Variants in RALYL observed in about 807,000 individuals in gnomAD.
RALYL encodes the protein RNA-binding Raly-like protein.
RALYL carries 29 observed loss-of-function variants against 35.1 expected under a neutral mutation model. The observed-to-expected ratio is 0.83, with a 90% CI of 0.61 to 1.13. RALYL has a LOEUF of 1.13. RALYL is among the 50% of genes most tolerant of loss of function. The probability of loss-of-function intolerance (pLI) is 0.00; values close to 1 mark genes in which losing one functional copy is unlikely to be tolerated. For synonymous variants in RALYL, 120 were observed against 127.6 expected (o/e 0.94, Z 0.40); for missense variants, 359 against 360.4 (o/e 1.00, Z 0.03).
chr8:84,602,248 C>T (rs1343986605), intron 2 of RALYL, among the ~76,000 whole-genome samples: 1 of 152,102 alleles, frequency 6.6e-6, no homozygotes, highest in East Asian at 1.9e-4. Context: ...TCATCTTTCC[C>T]TACAAATCTT....
At chr8:84,759,297 A>G (rs1314449332) in intron 2 of RALYL, among the ~76,000 whole-genome samples, 1 of 152,136 alleles carries the variant, frequency 6.6e-6, no homozygotes, top group Admixed American at 6.6e-5. Context: ...TTTCTACTAC[A>G]GTTGTCAAAT....
chr8:84,798,402 G>T (rs1435467416), intron 3 of RALYL, among the ~76,000 whole-genome samples: 1 of 151,810 alleles, frequency 6.6e-6, no homozygotes, highest in East Asian at 1.9e-4. Context: ...AAGTTATTTA[G>T]TTATCTAATG....
chr8:84,376,058 A>G (rs1856848857), intron 1 of RALYL, among the ~76,000 whole-genome samples: 1 of 151,920 alleles, frequency 6.6e-6, no homozygotes, highest in Admixed American at 6.6e-5. Flanking sequence ...AAAATGTACC[A>G]TACATAATGT....
intron 2 of RALYL, among the ~76,000 whole-genome samples, chr8:84,747,069 G>A (rs1808776421): frequency 6.6e-6 from 1 of 151,738 alleles, no homozygotes; most frequent in South Asian, 2.1e-4. Context: ...AAGTCTGCAA[G>A]AGATAAATTT....
At chr8:84,801,527 T>A (rs1823269568) in intron 3 of RALYL, among the ~76,000 whole-genome samples, 1 of 152,108 alleles carries the variant, frequency 6.6e-6, no homozygotes. Context: ...AAGTATTACC[T>A]CAGAGATGGG....
chr8:84,733,238 C>T (rs944553194), intron 2 of RALYL, among the ~76,000 whole-genome samples: 1 of 152,032 alleles, frequency 6.6e-6, no homozygotes, highest in African/African-American at 2.4e-5. Flanking sequence ...AGCAATAGGC[C>T]CTTCGTTATA....
chr8:84,209,927 C>T (rs1248086187), intron 1 of RALYL, among the ~76,000 whole-genome samples: 1 of 152,048 alleles, frequency 6.6e-6, no homozygotes, highest in Non-Finnish European at 1.5e-5. Context: ...TTTTTCATTT[C>T]GTATTTACTC....
rs942972142 is a variant in RALYL at position 84,183,608 on chromosome 8, C to T, written c.-840C>T. ...GTACCTTCTCAGTGGCATTCTTGTC[C>T]TATTCTTTTTTTTGTCCTTTTTTTT... is the stretch of plus-strand genomic sequence containing the variant. On this transcript the variant is annotated 5_prime_UTR_variant, in exon 1 of 9. Transcript: ENST00000521268. 2 of 152,198 alleles carry T rather than the reference C, an allele frequency of 1.3e-5. No homozygotes were observed. Among genetic ancestry groups the T allele is most frequent in the African/African-American group, 4.8e-5 (2 of 41,382 alleles). The allele number at this position is 152,198 out of a possible 1,614,324, so 9.4% of individuals were successfully genotyped here. A position where few individuals can be genotyped will look rare whatever the true frequency, so the allele number is the denominator to read the frequency against.
intron 3 of RALYL, among the ~76,000 whole-genome samples, chr8:84,780,224 G>A (rs1039519288): frequency 1.3e-5 from 2 of 151,990 alleles, no homozygotes; most frequent in Non-Finnish European, 2.9e-5. Context: ...TCTCCTACCC[G>A]CCATATTAAT....
intron 1 of RALYL, among the ~76,000 whole-genome samples, chr8:84,218,645 A>G (rs1235503007): frequency 2.0e-5 from 3 of 151,994 alleles, no homozygotes; most frequent in African/African-American, 4.8e-5. Flanking sequence ...GAGTGTTTCT[A>G]ACTCCAACAC....
At chr8:84,722,035 G>A (rs1844019867) in intron 2 of RALYL, among the ~76,000 whole-genome samples, 1 of 151,986 alleles carries the variant, frequency 6.6e-6, no homozygotes, top group African/African-American at 2.4e-5. Context: ...GATGTACAAT[G>A]TCTGTCAATA....
intron 2 of RALYL, among the ~76,000 whole-genome samples, chr8:84,661,047 G>A (rs1423938076): frequency 2.0e-5 from 3 of 151,970 alleles, no homozygotes; most frequent in Non-Finnish European, 4.4e-5. Context: ...TCCTGCCTCA[G>A]TCTCCCGACT....
At chr8:84,887,920 T>C in intron 8 of RALYL, 144 bp downstream of exon 8, 3 of 697,566 alleles carry the variant, frequency 4.3e-6, no homozygotes, top group South Asian at 2.4e-5. Flanking sequence ...AGTATAGTGC[T>C]TTGCACATAA....
At chr8:84,734,996 T>C (rs910779713) in intron 2 of RALYL, among the ~76,000 whole-genome samples, 1 of 128,694 alleles carries the variant, frequency 7.8e-6, no homozygotes, top group Non-Finnish European at 1.6e-5. Flanking sequence ...ATGAAATATA[T>C]AGATATGTTT....
intron 8 of RALYL, among the ~76,000 whole-genome samples, chr8:84,896,066 C>A (rs1294337219): frequency 6.6e-6 from 1 of 152,136 alleles, no homozygotes; most frequent in African/African-American, 2.4e-5. Flanking sequence ...GCTTCTTCTA[C>A]CTGCCCACTA....
At chr8:84,366,763 CAAAAAAAAAAA>C (rs1166208925) in intron 1 of RALYL, among the ~76,000 whole-genome samples, 1,091 of 56,700 alleles carry the variant, frequency 0.019, 23 homozygotes, top group African/African-American at 0.05. Context: ...ATTTTTGTCT[CAAAAAAAAAAA>C]AAAAAAAAAA....
chr8:84,878,871 T>G (rs1841685466), intron 7 of RALYL, among the ~76,000 whole-genome samples: 1 of 152,148 alleles, frequency 6.6e-6, no homozygotes, highest in African/African-American at 2.4e-5. Flanking sequence ...AGTTTCAGTT[T>G]TCCTAGGTCA....
chr8:84,476,325 C>G (rs554285224), intron 1 of RALYL, among the ~76,000 whole-genome samples: 5 of 152,274 alleles, frequency 3.3e-5, no homozygotes, highest in Admixed American at 2.6e-4. Context: ...ATTCCACAGA[C>G]AGTACATCTA....
At chr8:84,325,422 A>G (rs1845625773) in intron 1 of RALYL, among the ~76,000 whole-genome samples, 2 of 152,176 alleles carry the variant, frequency 1.3e-5, no homozygotes, top group East Asian at 3.8e-4. Flanking sequence ...CAGTTTCCTG[A>G]TGTACTCAAC....
Sources: allele counts gnomAD v4.1 joint callset (sites outside exome capture counted in the v4.1 genomes callset), GRCh38; gene constraint gnomAD v4.1.1; transcripts MANE v1.5; gene names NCBI Gene and HGNC (gene_info 2026-07-23, HGNC 2026-07-21).